Variants in ZNF469 observed in about 807,000 individuals in gnomAD.
ZNF469 encodes zinc finger protein 469.
A neutral mutation model predicts 1.0 loss-of-function variants in ZNF469; 1 was observed. The ratio of observed to expected loss-of-function variants is 1.00; its 90% confidence interval spans 0.35 to 4.73. The LOEUF (loss-of-function observed/expected upper bound fraction) is 4.73, where lower values mean the gene tolerates loss of function less well. ZNF469 is among the 30% of genes most tolerant of loss of function. The pLI is 0.16. For missense variants in ZNF469, 6,100 were observed against 5,356.3 expected, an observed-to-expected ratio of 1.14 and a Z score of -4.33; for synonymous variants, 2,703 against 2,363.4, an observed-to-expected ratio of 1.14 and a Z score of -4.17.
Position 88,433,842 on chromosome 16 carries a change from C to T in ZNF469, c.6372C>T (p.Pro2124=), listed in dbSNP as rs1342894098. The change falls in exon 3 of 3, where the codon CCC becomes CCT. Residue 2124 remains proline, a synonymous_variant. Coordinates refer to ENST00000565624, the MANE Select transcript of ZNF469 (RefSeq NM_001367624.2). ...APSPTSAAHM[P]CSLGPLPRED... ...CACCCACTTCAGCCGCCCACATGCC[C>T]TGCAGCCTTGGGCCCCTGCCCCGTG... 11 of 1,549,836 alleles carry T rather than the reference C, an allele frequency of 7.1e-6. No homozygotes were observed. The highest frequency in any genetic ancestry group is 1.4e-5 in the African/African-American group (1 of 73,180).
Position 88,433,406 on chromosome 16 carries a change from C to T in ZNF469, c.5936C>T (p.Ala1979Val), listed in dbSNP as rs1316355322. The T allele has an allele frequency of 1.3e-6, 2 of 1,550,340 alleles. No homozygotes were observed. The highest frequency in any genetic ancestry group is 8.7e-7 in the Non-Finnish European group (1 of 1,146,956). Reference protein sequence around the residue: ...AVAGHQLGLEADGHWGLLGQA... With the variant: ...AVAGHQLGLEVDGHWGLLGQA... ...GCCGGACATCAGCTGGGGCTGGAGG[C>T]AGATGGACATTGGGGCTTGCTTGGC... Residue 1979 changes from alanine (A) to valine (V), a missense_variant, in exon 3 of 3, where the codon GCA (alanine) becomes GTA (valine). Transcript: ENST00000565624.
rs762292362 is a variant in ZNF469, at chr16:88,431,727, C to T, written c.4257C>T (p.Gly1419=). ...PASSSCLCQD[G]EDAGSLEPQL... ...GCAGCTCCTGCCTTTGCCAGGACGGCGAGGATGCCGGTTCCCTCGAGCCAC... is the reference window on the plus strand; with the variant it reads ...GCAGCTCCTGCCTTTGCCAGGACGGTGAGGATGCCGGTTCCCTCGAGCCAC... Residue 1419 remains glycine (G), a synonymous_variant, in exon 3 of 3, where the codon GGC becomes GGT. Coordinates refer to ENST00000565624, the MANE Select transcript of ZNF469 (RefSeq NM_001367624.2). The T allele has an allele frequency of 9.7e-6, 15 of 1,550,078 alleles. No homozygotes were observed. Among genetic ancestry groups the T allele is most frequent in the African/African-American group, 2.7e-5 (2 of 73,038 alleles).
chr16:88,122,370 G>A, the ZNF469 span, among the ~76,000 whole-genome samples: 10 of 151,558 alleles, frequency 6.6e-5, no homozygotes, highest in South Asian at 2.1e-3. Flanking sequence ...ACCCACTATG[G>A]CCACAGCAGT....
chr16:88,243,951 T>TATATAAAA, the ZNF469 span, among the ~76,000 whole-genome samples: 2 of 120,776 alleles, frequency 1.7e-5, no homozygotes, highest in Non-Finnish European at 3.4e-5. Flanking sequence ...TATATATATA[T>TATATAAAA]AAATGTATGT....
chr16:88,164,866 G>A, the ZNF469 span, among the ~76,000 whole-genome samples: 1 of 152,230 alleles, frequency 6.6e-6, no homozygotes, highest in East Asian at 1.9e-4. Context: ...GACCAGCACA[G>A]GACACTTCCC....
Position 88,430,644 on chromosome 16 carries a change from G to T in ZNF469, c.3174G>T (p.Lys1058Asn). Residue 1058 changes from lysine (K) to asparagine (N), a missense_variant, in exon 3 of 3, where the codon AAG becomes AAT. By Grantham distance (94) the Lys-to-Asn change is moderately conservative. Transcript: ENST00000565624. ...TCATTCTGAAGATCGTGCAGCAGAA[G>T]AACAGGCGCCACCGGCGGCTGGGGC... ...KELILKIVQQKNRRHRRLGRR... is the reference protein window; with the variant it reads ...KELILKIVQQNNRRHRRLGRR... The T allele has an allele frequency of 6.7e-7, 1 of 1,496,416 alleles. No homozygotes were observed. Among genetic ancestry groups the T allele is most frequent in the South Asian group, 1.3e-5 (1 of 79,804 alleles). 92.7% of individuals were successfully genotyped at this position (1,496,416 alleles called of 1,614,324 possible). A position where few individuals can be genotyped will look rare whatever the true frequency, so the allele number is the denominator to read the frequency against.
At position 88,431,794 on chromosome 16, in the gene ZNF469, G is replaced by C; in HGVS notation, c.4324G>C (p.Gly1442Arg). Residue 1442 changes from glycine to arginine, a missense_variant, in exon 3 of 3, where the codon GGC becomes CGC. Coordinates refer to ENST00000565624, the MANE Select transcript of ZNF469 (RefSeq NM_001367624.2). The part of the protein sequence containing the change: ...SPPGTAETEP[G>R]RAASPPTLES... ...ACCTGGCACCGCTGAGACGGAGCCA[G>C]GCAGGGCTGCATCGCCACCGACCTT... The C allele has an allele frequency of 1.9e-6, 3 of 1,549,764 alleles. No homozygotes were observed. The highest frequency in any genetic ancestry group is 2.0e-5 in the Admixed American group (1 of 51,008).
chr16:88,376,065 G>T, the ZNF469 span, among the ~76,000 whole-genome samples: 1 of 152,378 alleles, frequency 6.6e-6, no homozygotes, highest in Middle Eastern at 3.4e-3. Context: ...GGCATTCATG[G>T]CAGGTTCAGG....
At chr16:88,199,255 C>T in the ZNF469 span, among the ~76,000 whole-genome samples, 1 of 152,214 alleles carries the variant, frequency 6.6e-6, no homozygotes, top group African/African-American at 2.4e-5. Flanking sequence ...TGCCCTGGCA[C>T]CCGACAACCC....
the ZNF469 span, among the ~76,000 whole-genome samples, chr16:88,348,068 A>C: frequency 1.3e-5 from 2 of 152,264 alleles, no homozygotes; most frequent in Non-Finnish European, 2.9e-5. Context: ...GGCCAGGGAC[A>C]GCAGCGGGTC....
At chr16:88,147,934 C>T in the ZNF469 span, among the ~76,000 whole-genome samples, 1 of 152,110 alleles carries the variant, frequency 6.6e-6, no homozygotes, top group East Asian at 1.9e-4. Context: ...TGGCTTCCTT[C>T]GTCGTTGTGT....
At chr16:88,377,732 CT>C in the ZNF469 span, among the ~76,000 whole-genome samples, 8 of 152,262 alleles carry the variant, frequency 5.3e-5, no homozygotes, top group South Asian at 2.1e-4. Flanking sequence ...AGCCTTCCCC[CT>C]GTCCCAGCTG....
the ZNF469 span, among the ~76,000 whole-genome samples, chr16:88,318,092 C>T: frequency 2.0e-5 from 3 of 152,240 alleles, no homozygotes; most frequent in East Asian, 3.9e-4. Flanking sequence ...GAGGGACCTG[C>T]GATCCCTGCC....
chr16:88,397,603 TGATG>T (rs1039347122), intron 1 of ZNF469, among the ~76,000 whole-genome samples: 1 of 147,762 alleles, frequency 6.8e-6, no homozygotes, highest in Non-Finnish European at 1.5e-5. Flanking sequence ...TATATATGTG[TGATG>T]GATGGATGGA....
the ZNF469 span, among the ~76,000 whole-genome samples, chr16:88,261,459 G>A: frequency 3.9e-5 from 6 of 152,198 alleles, no homozygotes; most frequent in Non-Finnish European, 7.3e-5. This position sits in a 1 kb window ranked among gnomAD's most constrained non-coding sequence, Gnocchi z 6.0. Context: ...GCCAGAGGCG[G>A]GGGACTTGTC....
chr16:88,273,007 C>T, the ZNF469 span, among the ~76,000 whole-genome samples: 1 of 148,540 alleles, frequency 6.7e-6, no homozygotes. Flanking sequence ...TGTGGATAGA[C>T]GAGTGGACGG....
At chr16:88,133,485 G>T in the ZNF469 span, among the ~76,000 whole-genome samples, 1 of 152,194 alleles carries the variant, frequency 6.6e-6, no homozygotes, top group African/African-American at 2.4e-5. Context: ...CAGGCCTGAC[G>T]CGGATTCTCA....
At chr16:88,422,747 A>AATGGATGG (rs56651491) in intron 1 of ZNF469, among the ~76,000 whole-genome samples, 133 of 119,084 alleles carry the variant, frequency 1.1e-3, no homozygotes, top group African/African-American at 4.2e-3. Context: ...TGGATGAGTG[A>AATGGATGG]ATGGATGGAT....
the ZNF469 span, among the ~76,000 whole-genome samples, chr16:88,339,690 A>G: frequency 6.8e-5 from 3 of 44,292 alleles, no homozygotes; most frequent in Non-Finnish European, 1.2e-4. Context: ...GGGAGACAGG[A>G]TGGCAGAGGG....
Sources: gnomAD v4.1 joint callset for allele counts (sites outside exome capture counted in the v4.1 genomes callset) on GRCh38, gnomAD v4.1.1 for gene constraint, Gnocchi (gnomAD v3.1) non-coding constraint, MANE v1.5 for transcripts, NCBI Gene and HGNC (gene_info 2026-07-23, HGNC 2026-07-21) for gene names.